Variants in UGT2B7 observed in about 807,000 individuals in gnomAD.
The protein encoded by UGT2B7 is UDP glucuronosyltransferase family 2 member B7.
A neutral mutation model predicts 51.9 loss-of-function variants in UGT2B7; 51 were observed. The ratio of observed to expected loss-of-function variants is 0.98; its 90% CI spans 0.78 to 1.24. The LOEUF is 1.24. Ranked by LOEUF, UGT2B7 falls within the 50% of genes most tolerant of loss-of-function variation. The pLI, the probability that UGT2B7 is intolerant of heterozygous loss-of-function variation, is 0.00. For synonymous variants in UGT2B7, 225 were observed against 211.6 expected, an observed-to-expected ratio of 1.06 and a Z score of -0.55; for missense variants, 727 against 628.4, an observed-to-expected ratio of 1.16 and a Z score of -1.68.
In UGT2B7 at chr4:69,108,102, G is replaced by T; in HGVS notation, c.1091-1G>T. On this transcript the variant is annotated splice_acceptor_variant, in intron 4 of 5. Coordinates refer to ENST00000305231, the MANE Select transcript of UGT2B7 (RefSeq NM_001074.4). LOFTEE classifies it high-confidence loss of function. Reference sequence around the variant, plus strand: ...TTTTGCTAAAATTCATCCAATCCTAGGTCATCCAAAGACCAGAGCTTTTAT... The same window carrying T: ...TTTTGCTAAAATTCATCCAATCCTATGTCATCCAAAGACCAGAGCTTTTAT... The T allele has an allele frequency of 6.2e-7, 1 of 1,613,252 alleles. No individual in the cohort carries two copies. The highest frequency in any genetic ancestry group is 8.5e-7 in the Non-Finnish European group (1 of 1,179,478).
At chr4:69,056,059 A>G (rs533797246) in intron 1 of UGT2B7, among the ~76,000 whole-genome samples, 2 of 152,210 alleles carry the variant, frequency 1.3e-5, no homozygotes, top group South Asian at 4.1e-4. Context: ...AAGCTGCCTG[A>G]TCAGTGGAGA....
chr4:69,105,549 G>A lies in UGT2B7; in HGVS notation c.1003-1626G>A, dbSNP rs75875847. 4.0e-3 allele frequency among the ~76,000 whole-genome samples: 603 copies of A among 152,254 alleles called. 2 individuals carry two copies. The highest frequency in any genetic ancestry group is 0.014 in the African/African-American group (572 of 41,568). Reference sequence around the variant, plus strand: ...CACTATTGTCAAAGCTTTGTAGCACGTTGTCTCAGTGTTAATAATCAGTTA... The same window carrying A: ...CACTATTGTCAAAGCTTTGTAGCACATTGTCTCAGTGTTAATAATCAGTTA... On this transcript the variant is annotated intron_variant, in intron 3 of 5. Coordinates refer to ENST00000305231, the MANE Select transcript of UGT2B7 (RefSeq NM_001074.4).
intron 1 of UGT2B7, among the ~76,000 whole-genome samples, chr4:69,087,635 G>C (rs1274114773): frequency 6.6e-6 from 1 of 151,866 alleles, no homozygotes; most frequent in African/African-American, 2.4e-5. Flanking sequence ...TGATGTTTAT[G>C]AATGCCTTAT....
chr4:69,085,378 G>A (rs773048359), intron 1 of UGT2B7, among the ~76,000 whole-genome samples: 1 of 151,968 alleles, frequency 6.6e-6, no homozygotes, highest in Non-Finnish European at 1.5e-5. Context: ...TTTGTCAGAG[G>A]GATAGATTGC....
chr4:69,096,758 T>C lies in UGT2B7; in HGVS notation c.238T>C (p.Ser80Pro). The C allele has an allele frequency of 6.2e-7, 1 of 1,614,018 alleles. No homozygotes were observed. The highest frequency in any genetic ancestry group is 8.5e-7 in the Non-Finnish European group (1 of 1,179,930). The change falls in exon 1 of 6, where the codon TCT becomes CCT. Residue 80 changes from serine to proline, a missense_variant. Physicochemically the swap from Ser to Pro is moderately conservative, Grantham distance 74. Transcript: ENST00000305231. Reference sequence around the variant, plus strand: ...TCTTAAAATTGAAATTTATCCCACATCTTTAACTAAAACTGAGTTGGAGAA... The same window carrying C: ...TCTTAAAATTGAAATTTATCCCACACCTTTAACTAAAACTGAGTTGGAGAA... ...SALKIEIYPT[S>P]LTKTELENFI...
chr4:69,073,761 A>G (rs1326939305), intron 1 of UGT2B7, among the ~76,000 whole-genome samples: 1 of 152,162 alleles, frequency 6.6e-6, no homozygotes, highest in Non-Finnish European at 1.5e-5. Context: ...AAAAACAGGT[A>G]ATCAGGAAAT....
intron 5 of UGT2B7, among the ~76,000 whole-genome samples, chr4:69,111,067 T>G (rs1182850550): frequency 1.3e-5 from 2 of 151,974 alleles, no homozygotes; most frequent in Admixed American, 6.6e-5. Context: ...AGAGAAGCAT[T>G]CCTTGGGTTG....
chr4:69,052,876 TA>T (rs1302131461), intron 1 of UGT2B7, among the ~76,000 whole-genome samples: 2 of 152,148 alleles, frequency 1.3e-5, no homozygotes, highest in South Asian at 2.1e-4. Context: ...TAAGGAGGCA[TA>T]AAAATGTGGA....
chr4:69,094,200 C>T (rs1461640873), upstream of UGT2B7, among the ~76,000 whole-genome samples: 2 of 25,506 alleles, frequency 7.8e-5, no homozygotes, highest in Non-Finnish European at 1.1e-4. Context: ...AGTGCAGTGG[C>T]GCGATCTCGG....
chr4:69,099,324 G>A (rs1719353448), intron 2 of UGT2B7, among the ~76,000 whole-genome samples: 2 of 150,790 alleles, frequency 1.3e-5, no homozygotes, highest in African/African-American at 4.9e-5. Context: ...CTCAAGTTTA[G>A]TTTGCAGGGA....
At chr4:69,061,563 G>A (rs778942301) in intron 1 of UGT2B7, among the ~76,000 whole-genome samples, 14 of 152,320 alleles carry the variant, frequency 9.2e-5, no homozygotes, top group East Asian at 1.9e-4. Context: ...TGGGAATTAC[G>A]TTGAAGGAAG....
chr4:69,063,318 C>CAA (rs556109411), intron 1 of UGT2B7, among the ~76,000 whole-genome samples: 2,516 of 23,678 alleles, frequency 0.11, 80 homozygotes, highest in Middle Eastern at 0.21. Flanking sequence ...GACTCCGTCT[C>CAA]AAAAAAAAAA....
At chr4:69,110,578 A>G (rs1719744209) in intron 5 of UGT2B7, among the ~76,000 whole-genome samples, 1 of 152,162 alleles carries the variant, frequency 6.6e-6, no homozygotes, top group Admixed American at 6.5e-5. Flanking sequence ...AATCAACAGA[A>G]TACTACACAG....
chr4:69,074,930 G>A (rs1718671445), intron 1 of UGT2B7, among the ~76,000 whole-genome samples: 2 of 152,086 alleles, frequency 1.3e-5, no homozygotes, highest in Non-Finnish European at 2.9e-5. Context: ...GTGGGAAAAA[G>A]TTGAGTCGCT....
At chr4:69,071,868 G>A (rs544080636) in intron 1 of UGT2B7, among the ~76,000 whole-genome samples, 4 of 152,124 alleles carry the variant, frequency 2.6e-5, no homozygotes, top group African/African-American at 9.6e-5. Flanking sequence ...ACAAATATTA[G>A]TCTGGGGAAA....
chr4:69,112,678 G>A lies in UGT2B7; in HGVS notation c.1532G>A (p.Cys511Tyr), dbSNP rs1436844953. The change falls in exon 6 of 6, where the codon TGT becomes TAT. Residue 511 changes from cysteine (C) to tyrosine (Y), a missense_variant. Transcript: ENST00000305231. ...VATVIFIVTKCCLFCFWKFAR... is the reference protein window; with the variant it reads ...VATVIFIVTKYCLFCFWKFAR... ...ACTGTGATATTTATCGTCACAAAAT[G>A]TTGTCTGTTTTGTTTCTGGAAGTTT... 1 of 1,613,822 alleles carries A rather than the reference G, an allele frequency of 6.2e-7. No homozygotes were observed. The highest frequency in any genetic ancestry group is 8.5e-7 in the Non-Finnish European group (1 of 1,179,846).
At chr4:69,067,546 C>T (rs1718507347) in intron 1 of UGT2B7, 1 of 155,102 alleles carries the variant, frequency 6.4e-6, no homozygotes, top group African/African-American at 2.4e-5. Context: ...AAGGGGGAAG[C>T]TGTTAGATTG....
chr4:69,085,778 A>G (rs1292330631), intron 1 of UGT2B7, among the ~76,000 whole-genome samples: 1 of 151,632 alleles, frequency 6.6e-6, no homozygotes, highest in Non-Finnish European at 1.5e-5. Context: ...GTGTCCAAAA[A>G]CTTTCCTTAT....
At chr4:69,078,274 T>C (rs1718761792) in intron 1 of UGT2B7, among the ~76,000 whole-genome samples, 1 of 152,080 alleles carries the variant, frequency 6.6e-6, no homozygotes, top group Non-Finnish European at 1.5e-5. Flanking sequence ...CTTGTTGTGG[T>C]TCTGCCAGGT....
Sources: gnomAD v4.1 joint callset for allele counts (sites outside exome capture counted in the v4.1 genomes callset) on GRCh38, gnomAD v4.1.1 for gene constraint, MANE v1.5 for transcripts, NCBI Gene and HGNC (gene_info 2026-07-23, HGNC 2026-07-21) for gene names.